TM2D1: variants seen among roughly 807,000 people sequenced by gnomAD.
TM2D1 encodes TM2 domain-containing protein 1.
Under a neutral mutation model 28.4 loss-of-function variants are expected in TM2D1, and 15 were observed. The ratio of observed to expected loss-of-function variants is 0.53; its 90% CI spans 0.35 to 0.81. The LOEUF (loss-of-function observed/expected upper bound fraction) is 0.81, where lower values mean the gene tolerates loss of function less well. Among genes scored for constraint, TM2D1 ranks in the 40% least tolerant of loss-of-function variants. The probability of loss-of-function intolerance (pLI) is 0.01; values close to 1 mark genes in which losing one functional copy is unlikely to be tolerated. For synonymous variants in TM2D1, 93 were observed against 96.2 expected (o/e 0.97, Z 0.20); for missense variants, 236 against 254.9 (o/e 0.93, Z 0.50).
intron 2 of TM2D1, among the ~76,000 whole-genome samples, chr1:61,722,955 G>C (rs1644579468): frequency 6.6e-6 from 1 of 152,112 alleles, no homozygotes; most frequent in African/African-American, 2.4e-5. Flanking sequence ...TCGCCTAGAG[G>C]GTTGTTTTGT....
chr1:61,695,190 T>C (rs1236603865), intron 4 of TM2D1, among the ~76,000 whole-genome samples: 2 of 151,728 alleles, frequency 1.3e-5, no homozygotes, highest in Non-Finnish European at 2.9e-5. Context: ...AATATAAAAA[T>C]TGTCATGCCA....
chr1:61,721,577 AAACATAGTTTGAG>A (rs2148070872), intron 2 of TM2D1, among the ~76,000 whole-genome samples: 1 of 151,948 alleles, frequency 6.6e-6, no homozygotes, highest in African/African-American at 2.4e-5. Context: ...AAAGAAAAGT[AAACATAGTTTGAG>A]AATTTCACAA....
intron 3 of TM2D1, among the ~76,000 whole-genome samples, chr1:61,701,366 A>C (rs181718159): frequency 4.7e-4 from 67 of 141,242 alleles, no homozygotes; most frequent in Admixed American, 1.4e-3. Context: ...GAATGCCGGG[A>C]GCCATTTAAA....
rs372910462 is a variant in TM2D1 at position 61,717,312 on chromosome 1, G to C, written c.238+6401C>G. On this transcript the variant is annotated intron_variant, in intron 2 of 6. Transcript: ENST00000606498. ...GAACCTGGGAGGCAGAGCTTGCAGT[G>C]AGCCGAGATAGTGCCACTGCACTCC... is the stretch of plus-strand genomic sequence containing the variant. Among the ~76,000 whole-genome samples, 34 of 151,642 alleles carry C rather than the reference G, an allele frequency of 2.2e-4. 1 individual carries two copies. In the South Asian group the frequency reaches 5.2e-3, roughly 23 times the overall value.
chr1:61,685,767 G>T (rs1644280858), intron 5 of TM2D1, among the ~76,000 whole-genome samples: 1 of 152,204 alleles, frequency 6.6e-6, no homozygotes, highest in Non-Finnish European at 1.5e-5. Flanking sequence ...ACTTTGGGAG[G>T]CCAAGGCAGG....
At chr1:61,686,865 A>G (rs1191465855) in intron 5 of TM2D1, 2 of 939,466 alleles carry the variant, frequency 2.1e-6, no homozygotes, top group Non-Finnish European at 1.3e-6. Flanking sequence ...CGAGGCTGCA[A>G]TGAGTTATGA....
chr1:61,696,608 A>G (rs540492604), intron 4 of TM2D1, among the ~76,000 whole-genome samples: 46 of 151,886 alleles, frequency 3.0e-4, no homozygotes, highest in Admixed American at 5.2e-4. Flanking sequence ...CTCTAAAGTT[A>G]TATCTTTAAC....
At chr1:61,684,828 G>T (rs1472095653) in intron 5 of TM2D1, among the ~76,000 whole-genome samples, 3 of 152,156 alleles carry the variant, frequency 2.0e-5, no homozygotes, top group African/African-American at 7.2e-5. Context: ...ATCCAGGCTG[G>T]AGTGCAATGG....
rs373096677 is a variant in TM2D1 at position 61,701,822 on chromosome 1, G to T, written c.348-797C>A. ...GGCAGTAACAGTGGGAGAAAGAAGT[G>T]AACAAAATTGGGAAATACTAACAAG... On this transcript the variant is annotated intron_variant, in intron 3 of 6. Coordinates refer to ENST00000606498, the MANE Select transcript of TM2D1 (RefSeq NM_032027.3). Among the ~76,000 whole-genome samples the T allele has an allele frequency of 1.1e-4, 16 of 152,006 alleles. No individual in the cohort carries two copies. In the East Asian group the frequency reaches 1.9e-3, roughly 18 times the overall value.
At chr1:61,715,800 GTTTATTTT>G (rs1284824491) in intron 2 of TM2D1, among the ~76,000 whole-genome samples, 1 of 150,684 alleles carries the variant, frequency 6.6e-6, no homozygotes, top group Non-Finnish European at 1.5e-5. Context: ...AGGTTTTTTT[GTTTATTTT>G]TTTGTTTTTT....
chr1:61,721,611 T>C (rs1411795564), intron 2 of TM2D1, among the ~76,000 whole-genome samples: 1 of 151,382 alleles, frequency 6.6e-6, no homozygotes. Context: ...TAGTTCTTCA[T>C]ATACTCAGTG....
intron 5 of TM2D1, among the ~76,000 whole-genome samples, chr1:61,692,686 A>G (rs1414799538): frequency 6.6e-6 from 1 of 152,188 alleles, no homozygotes; most frequent in East Asian, 1.9e-4. Flanking sequence ...GCTTAAGCCC[A>G]GGAATTCTCC....
intron 5 of TM2D1, among the ~76,000 whole-genome samples, chr1:61,691,352 G>A (rs964420860): frequency 2.6e-5 from 4 of 151,234 alleles, no homozygotes; most frequent in African/African-American, 7.3e-5. Context: ...AAAATTAGCC[G>A]GGCATAGTGG....
chr1:61,707,026 G>A (rs1236168091), intron 3 of TM2D1, among the ~76,000 whole-genome samples: 5 of 152,042 alleles, frequency 3.3e-5, no homozygotes, highest in Non-Finnish European at 7.4e-5. Context: ...AGCCCGAGGC[G>A]GGCTGATCGC....
chr1:61,709,179 A>C (rs1194042011), intron 3 of TM2D1, 150 bp downstream of exon 3: 1 of 564,398 alleles, frequency 1.8e-6, no homozygotes, highest in Non-Finnish European at 3.1e-6. Flanking sequence ...ACCAAAAAAC[A>C]AACACTTAAA....
At chr1:61,700,398 T>C in intron 4 of TM2D1, 2 of 1,190,268 alleles carry the variant, frequency 1.7e-6, no homozygotes, top group Non-Finnish European at 2.2e-6. Context: ...TTCATAAGCA[T>C]TAGTAACTAT....
intron 2 of TM2D1, among the ~76,000 whole-genome samples, chr1:61,715,650 A>C (rs1236889826): frequency 2.5e-5 from 3 of 120,922 alleles, no homozygotes; most frequent in African/African-American, 5.3e-5. Flanking sequence ...TGTCTCAAAA[A>C]AAAAAAAAAA....
chr1:61,707,590 A>C (rs1644450143), intron 3 of TM2D1, among the ~76,000 whole-genome samples: 1 of 152,250 alleles, frequency 6.6e-6, no homozygotes, highest in South Asian at 2.1e-4. Flanking sequence ...AAAAAAAAAG[A>C]AATCATATCT....
intron 2 of TM2D1, among the ~76,000 whole-genome samples, chr1:61,716,469 T>C (rs964886426): frequency 6.9e-6 from 1 of 145,716 alleles, no homozygotes; most frequent in Non-Finnish European, 1.5e-5. Flanking sequence ...ACATATATAA[T>C]TATATATAAT....
Sources: gnomAD v4.1 joint callset for allele counts (sites outside exome capture counted in the v4.1 genomes callset) on GRCh38, gnomAD v4.1.1 for gene constraint, MANE v1.5 for transcripts, NCBI Gene and HGNC (gene_info 2026-07-23, HGNC 2026-07-21) for gene names.